Variants in OXCT1 observed in about 807,000 individuals in gnomAD.
OXCT1 encodes the protein succinyl-CoA:3-ketoacid coenzyme A transferase 1, mitochondrial.
Under a neutral mutation model 69.6 loss-of-function variants are expected in OXCT1, and 27 were observed. The observed-to-expected ratio is 0.39, with a 90% confidence interval of 0.29 to 0.54. The LOEUF (loss-of-function observed/expected upper bound fraction) is 0.54. OXCT1 is among the 20% of genes least tolerant of loss of function. OXCT1 has a pLI of 0.72. For missense variants in OXCT1, 437 were observed against 650.2 expected, an observed-to-expected ratio of 0.67 and a Z score of 3.57; for synonymous variants, 202 against 217.8, an observed-to-expected ratio of 0.93 and a Z score of 0.64.
In OXCT1 at chr5:41,761,849, G is replaced by A. The variant is rs116365235; in HGVS notation, c.1338+262C>T. ...TAAAGCTTTTACTTTTAATATGTAT[G>A]CATAAAGCTTTTACTTTTAATAGGT... On this transcript the variant is annotated intron_variant, in intron 14 of 16. Coordinates refer to ENST00000196371, the MANE Select transcript of OXCT1 (RefSeq NM_000436.4). Among the ~76,000 whole-genome samples the A allele has an allele frequency of 2.9e-3, 444 of 152,232 alleles. 2 individuals are homozygous for A. Among genetic ancestry groups the A allele is most frequent in the African/African-American group, 0.01 (425 of 41,554 alleles).
At chr5:41,741,153 T>C (rs1743145475) in intron 15 of OXCT1, among the ~76,000 whole-genome samples, 1 of 152,144 alleles carries the variant, frequency 6.6e-6, no homozygotes, top group Non-Finnish European at 1.5e-5. Context: ...GGTTTTACCA[T>C]GTTGGTCAGG....
intron 13 of OXCT1, among the ~76,000 whole-genome samples, chr5:41,785,255 T>C (rs1307816397): frequency 6.6e-6 from 1 of 152,166 alleles, no homozygotes; most frequent in East Asian, 1.9e-4. Flanking sequence ...TGGGTCAGTA[T>C]TTTTATTCCC....
intron 7 of OXCT1, among the ~76,000 whole-genome samples, chr5:41,838,678 C>T (rs1284186566): frequency 6.6e-6 from 1 of 151,408 alleles, no homozygotes; most frequent in Non-Finnish European, 1.5e-5. Flanking sequence ...AGGCTGGAGC[C>T]ACAGTGACAC....
chr5:41,860,536 T>C (rs1345840335), intron 3 of OXCT1, among the ~76,000 whole-genome samples: 3 of 151,904 alleles, frequency 2.0e-5, no homozygotes, highest in Non-Finnish European at 4.4e-5. Context: ...AAAGGAAAAA[T>C]GGGCACAAAA....
At chr5:41,760,097 G>C (rs1744274998) in intron 14 of OXCT1, among the ~76,000 whole-genome samples, 1 of 152,040 alleles carries the variant, frequency 6.6e-6, no homozygotes, top group Admixed American at 6.6e-5. Flanking sequence ...CAAAGCAAAA[G>C]ATGCAAAAAA....
intron 3 of OXCT1, among the ~76,000 whole-genome samples, chr5:41,859,642 C>A (rs1213023353): frequency 4.6e-5 from 7 of 151,940 alleles, no homozygotes; most frequent in Non-Finnish European, 7.4e-5. Flanking sequence ...CCTTCCCAGA[C>A]AAAATAACTA....
Position 41,861,462 on chromosome 5 carries a change from G to A in OXCT1, c.188-58C>T. 5.1e-6 allele frequency: 5 copies of A among 981,038 alleles called. No homozygotes were observed. The South Asian group carries it at 6.4e-5, about 13-fold the overall frequency. 60.8% of individuals were successfully genotyped at this position (981,038 alleles called of 1,614,324 possible). A position where few individuals can be genotyped will look rare whatever the true frequency, so the allele number is the denominator to read the frequency against. On this transcript the variant is annotated intron_variant, in intron 2 of 16. Coordinates refer to ENST00000196371, the MANE Select transcript of OXCT1 (RefSeq NM_000436.4). Reference sequence around the variant, plus strand: ...AAGGGGGTAACAATGTTCTTTCAGAGAAGTGTGTGTTATTCTTTTTAAAAG... The same window carrying A: ...AAGGGGGTAACAATGTTCTTTCAGAAAAGTGTGTGTTATTCTTTTTAAAAG...
At chr5:41,784,602 G>A (rs924747105) in intron 13 of OXCT1, among the ~76,000 whole-genome samples, 1 of 152,198 alleles carries the variant, frequency 6.6e-6, no homozygotes, top group Admixed American at 6.5e-5. Flanking sequence ...TAAGAGCAAA[G>A]AAGACTGTAA....
At chr5:41,750,789 G>A (rs1405986783) in intron 14 of OXCT1, among the ~76,000 whole-genome samples, 1 of 152,034 alleles carries the variant, frequency 6.6e-6, no homozygotes, top group East Asian at 1.9e-4. Context: ...CAATGCACTA[G>A]TAATTAAGGG....
At chr5:41,859,177 C>T (rs888442547) in intron 3 of OXCT1, among the ~76,000 whole-genome samples, 2 of 152,184 alleles carry the variant, frequency 1.3e-5, no homozygotes, top group Non-Finnish European at 2.9e-5. Flanking sequence ...TAGATTGCTG[C>T]AGTCTTTGCT....
At chr5:41,733,132 G>T (rs1340681564) in intron 16 of OXCT1, among the ~76,000 whole-genome samples, 3 of 151,674 alleles carry the variant, frequency 2.0e-5, no homozygotes, top group East Asian at 1.9e-4. Context: ...CATACGCACA[G>T]ATTTTCAACT....
At chr5:41,767,597 T>C (rs1744667457) in intron 13 of OXCT1, among the ~76,000 whole-genome samples, 1 of 151,158 alleles carries the variant, frequency 6.6e-6, no homozygotes, top group South Asian at 2.1e-4. Flanking sequence ...ATCTTGTTTC[T>C]GCTTGACTGT....
chr5:41,810,827 A>G (rs1746944055), intron 7 of OXCT1, among the ~76,000 whole-genome samples: 2 of 151,976 alleles, frequency 1.3e-5, no homozygotes, highest in African/African-American at 4.8e-5. Flanking sequence ...TCTGTTATAG[A>G]CACAAAAATG....
intron 7 of OXCT1, among the ~76,000 whole-genome samples, chr5:41,816,991 C>A (rs1323106198): frequency 6.6e-6 from 1 of 152,126 alleles, no homozygotes; most frequent in Non-Finnish European, 1.5e-5. Flanking sequence ...AGCCATCATT[C>A]GGACAATGAC....
At chr5:41,743,229 G>C (rs986187771) in intron 15 of OXCT1, among the ~76,000 whole-genome samples, 2 of 152,184 alleles carry the variant, frequency 1.3e-5, no homozygotes, top group African/African-American at 4.8e-5. Context: ...CTGATGGCCA[G>C]TGATGATGAG....
rs1338679518 is a variant in OXCT1 at position 41,807,087 on chromosome 5, A to G, written c.840+244T>C. Among the ~76,000 whole-genome samples, 3 of 152,106 alleles carry G rather than the reference A, an allele frequency of 2.0e-5. No individual in the cohort carries two copies. In the South Asian group the frequency reaches 6.2e-4, roughly 31 times the overall value. ...TAAATTAGGACAGTAGAAGCCTAGTAGACACAGCCTAGAGAATCTCATGGC... is the reference window on the plus strand; with the variant it reads ...TAAATTAGGACAGTAGAAGCCTAGTGGACACAGCCTAGAGAATCTCATGGC... On this transcript the variant is annotated intron_variant, in intron 8 of 16. Coordinates refer to ENST00000196371, the MANE Select transcript of OXCT1 (RefSeq NM_000436.4).
rs940553873 is a variant in OXCT1 at position 41,853,324 on chromosome 5, T to C, written c.414+95A>G. 5 of 1,127,624 alleles carry C rather than the reference T, an allele frequency of 4.4e-6. No homozygotes were observed. The African/African-American group carries it at 4.6e-5, about 10-fold the overall frequency. 69.9% of individuals were successfully genotyped at this position (1,127,624 alleles called of 1,614,324 possible). On this transcript the variant is annotated intron_variant, in intron 4 of 16. Transcript: ENST00000196371. ...CCTGGTTTGGCAAAGTACTATTCCT[T>C]CTGCCTTACCTCTTTTGCACAAAGA...
At position 41,870,347 on chromosome 5, in the gene OXCT1, G is replaced by T; in HGVS notation, c.12C>A (p.Leu4=). The T allele has an allele frequency of 1.2e-6, 2 of 1,613,486 alleles. No homozygotes were observed. Among genetic ancestry groups the T allele is most frequent in the South Asian group, 2.2e-5 (2 of 91,036 alleles). ...GCCGAAGCCCGGAGGAGAGGAGTTT[G>T]AGAGCCGCCATCTTCGGGCGGTGAG... MAA[L]KLLSSGLRLC... is the part of the protein sequence containing the mutation. The change falls in exon 1 of 17, where the codon CTC becomes CTA. Residue 4 remains leucine (L), a synonymous_variant. Coordinates refer to ENST00000196371, the MANE Select transcript of OXCT1 (RefSeq NM_000436.4). The surrounding 1 kb of genome is among the most constrained non-coding windows in gnomAD (Gnocchi z 4.2).
At chr5:41,839,465 G>T (rs1281384049) in intron 7 of OXCT1, among the ~76,000 whole-genome samples, 1 of 152,170 alleles carries the variant, frequency 6.6e-6, no homozygotes, top group Non-Finnish European at 1.5e-5. Flanking sequence ...TACACAGAAA[G>T]TGTAAGCCAC....
Sources: allele counts gnomAD v4.1 joint callset (sites outside exome capture counted in the v4.1 genomes callset), GRCh38; gene constraint gnomAD v4.1.1; non-coding constraint Gnocchi (gnomAD v3.1); transcripts MANE v1.5; gene names NCBI Gene and HGNC (gene_info 2026-07-23, HGNC 2026-07-21).